Variants in XNDC1N observed in about 807,000 individuals in gnomAD.
XNDC1N encodes the protein XRCC1 N-terminal domain containing 1, N-terminal like.
At chr11:71,901,008 G>A in the XNDC1N span, among the ~76,000 whole-genome samples, 3 of 152,154 alleles carry the variant, frequency 2.0e-5, no homozygotes, top group Admixed American at 2.0e-4. Flanking sequence ...TGCTCACTAT[G>A]CCCTTCCCTT....
the XNDC1N span, among the ~76,000 whole-genome samples, chr11:71,889,055 A>C: frequency 6.6e-6 from 1 of 152,184 alleles, no homozygotes; most frequent in South Asian, 2.1e-4. Context: ...GTAACCCTGG[A>C]CACTGTTGTT....
the XNDC1N span, among the ~76,000 whole-genome samples, chr11:71,885,117 T>C: frequency 1.4e-4 from 21 of 151,030 alleles, no homozygotes; most frequent in Admixed American, 1.2e-3. Flanking sequence ...ATACAGAGAT[T>C]GTACACCCGT....
chr11:71,906,691 G>C, the XNDC1N span, among the ~76,000 whole-genome samples: 1 of 152,040 alleles, frequency 6.6e-6, no homozygotes, highest in African/African-American at 2.4e-5. Context: ...AGGTGTACAG[G>C]ACCTGTGATT....
chr11:71,892,626 A>C, the XNDC1N span, among the ~76,000 whole-genome samples: 1 of 151,814 alleles, frequency 6.6e-6, no homozygotes, highest in African/African-American at 2.4e-5. Flanking sequence ...GTTCTAAGGG[A>C]TTCTCCTGCT....
chr11:71,892,871 T>C, the XNDC1N span, among the ~76,000 whole-genome samples: 3 of 152,184 alleles, frequency 2.0e-5, no homozygotes, highest in Admixed American at 6.5e-5. Context: ...TTTTTGAGTG[T>C]GCATGTACTT....
chr11:71,883,753 T>A, the XNDC1N span, among the ~76,000 whole-genome samples: 1 of 152,200 alleles, frequency 6.6e-6, no homozygotes, highest in African/African-American at 2.4e-5. Flanking sequence ...GGAATATTTA[T>A]GGGAGATTAT....
the XNDC1N span, among the ~76,000 whole-genome samples, chr11:71,885,779 A>C: frequency 6.6e-6 from 1 of 151,718 alleles, no homozygotes; most frequent in Admixed American, 6.6e-5. Flanking sequence ...TCAGATTATT[A>C]ATATTAATAT....
chr11:71,891,042 G>T, the XNDC1N span, among the ~76,000 whole-genome samples: 32 of 151,890 alleles, frequency 2.1e-4, no homozygotes, highest in African/African-American at 7.7e-4. Flanking sequence ...CATTAGGAAG[G>T]GTATCAGGGG....
At chr11:71,919,168 G>A in the XNDC1N span, 1 of 612,680 alleles carries the variant, frequency 1.6e-6, no homozygotes, top group Admixed American at 2.7e-5. Flanking sequence ...GAGGCCATAG[G>A]AATACTGTTA....
the XNDC1N span, among the ~76,000 whole-genome samples, chr11:71,914,742 G>A: frequency 2.0e-5 from 3 of 152,030 alleles, no homozygotes; most frequent in African/African-American, 4.8e-5. Flanking sequence ...TGGAACATGA[G>A]GATGTGACAG....
the XNDC1N span, among the ~76,000 whole-genome samples, chr11:71,909,916 CGA>C: frequency 6.6e-6 from 1 of 152,014 alleles, no homozygotes. Flanking sequence ...TATGGTTCTC[CGA>C]GAGGAGGAAT....
the XNDC1N span, chr11:71,884,705 A>G: frequency 9.7e-6 from 11 of 1,135,044 alleles, 1 homozygote; most frequent in Non-Finnish European, 1.1e-5. Flanking sequence ...AATTTTATAA[A>G]TGCTTACACT....
chr11:71,891,147 C>T, the XNDC1N span, among the ~76,000 whole-genome samples: 64 of 151,972 alleles, frequency 4.2e-4, no homozygotes, highest in Non-Finnish European at 6.9e-4. Flanking sequence ...ACACCCTCTG[C>T]GATATTGAAA....
At chr11:71,884,592 G>A in the XNDC1N span, 1 of 1,571,846 alleles carries the variant, frequency 6.4e-7, no homozygotes, top group East Asian at 2.3e-5. Flanking sequence ...TCAGACTCCA[G>A]GAGAAAAAAC....
At chr11:71,900,372 C>T in the XNDC1N span, among the ~76,000 whole-genome samples, 2 of 149,074 alleles carry the variant, frequency 1.3e-5, no homozygotes, top group African/African-American at 5.2e-5. Flanking sequence ...GAGGGGCAGG[C>T]CACCCCTTCA....
chr11:71,872,558 C>A, the XNDC1N span, among the ~76,000 whole-genome samples: 3 of 374 alleles, frequency 8.0e-3, no homozygotes, highest in Non-Finnish European at 0.015. Context: ...CCCATCTCTA[C>A]TAAAAAAATA....
At chr11:71,869,248 G>A in the XNDC1N span, among the ~76,000 whole-genome samples, 1 of 151,114 alleles carries the variant, frequency 6.6e-6, no homozygotes, top group Non-Finnish European at 1.5e-5. Context: ...TCCCCTTCCT[G>A]TGTCCAAGTG....
chr11:71,925,780 T>C, the XNDC1N span, among the ~76,000 whole-genome samples: 17 of 151,832 alleles, frequency 1.1e-4, 1 homozygote, highest in Middle Eastern at 6.8e-3. Flanking sequence ...CTCGGGAGGC[T>C]GAGGCAGGAG....
chr11:71,913,522 G>A, the XNDC1N span, among the ~76,000 whole-genome samples: 2 of 152,026 alleles, frequency 1.3e-5, no homozygotes, highest in African/African-American at 2.4e-5. Flanking sequence ...AGCCGGGTGT[G>A]GTGGTGTGCG....
Sources: gnomAD v4.1 joint callset for allele counts (sites outside exome capture counted in the v4.1 genomes callset) on GRCh38, gnomAD v4.1.1 for gene constraint, MANE v1.5 for transcripts, NCBI Gene and HGNC (gene_info 2026-07-23, HGNC 2026-07-21) for gene names.